The following PBX1 variants were observed in gnomAD, a reference collection of about 807,000 sequenced individuals.
PBX1 encodes the protein PBX homeobox 1.
In PBX1, 6 loss-of-function variants were observed where a neutral mutation model predicts 53.4. The ratio of observed to expected loss-of-function variants is 0.11; its 90% CI spans 0.06 to 0.22. The LOEUF is 0.22. Among genes scored for constraint, PBX1 ranks in the 10% least tolerant of loss-of-function variants. PBX1 has a pLI of 1.00. For synonymous variants in PBX1, 204 were observed against 212.3 expected (o/e 0.96, Z 0.34); for missense variants, 251 against 551.4 (o/e 0.46, Z 5.46).
chr1:164,646,493 C>CAAAG (rs1231231442), intron 2 of PBX1, among the ~76,000 whole-genome samples: 1 of 152,078 alleles, frequency 6.6e-6, no homozygotes, highest in Non-Finnish European at 1.5e-5. Flanking sequence ...ACCTGGCTGC[C>CAAAG]AAAGACCTGT....
At chr1:164,640,535 G>A (rs982179593) in intron 2 of PBX1, among the ~76,000 whole-genome samples, 3 of 138,136 alleles carry the variant, frequency 2.2e-5, no homozygotes, top group African/African-American at 7.9e-5. Flanking sequence ...GTGGTTCCTC[G>A]TTTTTTGGTG....
downstream of PBX1, among the ~76,000 whole-genome samples, chr1:164,855,403 A>G (rs1443440649): frequency 6.6e-6 from 1 of 152,196 alleles, no homozygotes; most frequent in African/African-American, 2.4e-5. Context: ...GGCCTCTTAT[A>G]TTGAAATGAG....
intron 2 of PBX1, among the ~76,000 whole-genome samples, chr1:164,764,803 C>G (rs1397292263): frequency 6.6e-6 from 1 of 152,034 alleles, no homozygotes; most frequent in Non-Finnish European, 1.5e-5. Context: ...TTTGCACAAC[C>G]CTATAGGAAA....
intron 2 of PBX1, among the ~76,000 whole-genome samples, chr1:164,713,088 G>A (rs372087706): frequency 6.6e-6 from 1 of 152,184 alleles, no homozygotes; most frequent in African/African-American, 2.4e-5. Context: ...TGAGGCTCAA[G>A]GAGGATGTCA....
At chr1:164,626,184 A>C (rs907264996) in intron 2 of PBX1, 64 of 807,858 alleles carry the variant, frequency 7.9e-5, no homozygotes, top group Non-Finnish European at 8.8e-5. Context: ...TTAAGGATTC[A>C]TGACATGGGC....
At chr1:164,668,801 G>A (rs1660959594) in intron 2 of PBX1, among the ~76,000 whole-genome samples, 1 of 152,214 alleles carries the variant, frequency 6.6e-6, no homozygotes, top group Non-Finnish European at 1.5e-5. Context: ...TTTAATTAAT[G>A]ATATGTAAAT....
chr1:164,566,376 C>G (rs767737234), intron 2 of PBX1, among the ~76,000 whole-genome samples: 16 of 152,246 alleles, frequency 1.1e-4, no homozygotes, highest in Non-Finnish European at 4.4e-5. Flanking sequence ...GCAAAATGCT[C>G]GGGTGGCAAT....
intron 8 of PBX1, among the ~76,000 whole-genome samples, chr1:164,843,612 GT>G (rs1229271543): frequency 6.7e-6 from 1 of 150,226 alleles, no homozygotes; most frequent in Non-Finnish European, 1.5e-5. Flanking sequence ...TAGCTAGAAG[GT>G]TTTATATATT....
At chr1:164,648,316 C>T (rs1659589081) in intron 2 of PBX1, among the ~76,000 whole-genome samples, 1 of 152,172 alleles carries the variant, frequency 6.6e-6, no homozygotes, top group African/African-American at 2.4e-5. Context: ...CTAGGTTATT[C>T]TTATAGTAAG....
chr1:164,812,790 A>T (rs1448660203), intron 6 of PBX1: 2 of 152,216 alleles, frequency 1.3e-5, no homozygotes, highest in Admixed American at 1.3e-4. Context: ...TTAAGAGTTT[A>T]GGTCAAAATA....
rs555569696 is a variant in PBX1 at position 164,758,572 on chromosome 1, C to T, written c.266-33922C>T. ...CTCAGGTGGAAGCTGCCTGCCCTCACTGCCTTCTTACCCTGTCTCCGTCAC... is the reference window on the plus strand; with the variant it reads ...CTCAGGTGGAAGCTGCCTGCCCTCATTGCCTTCTTACCCTGTCTCCGTCAC... On this transcript the variant is annotated intron_variant, in intron 2 of 8. Transcript: ENST00000420696. Among the ~76,000 whole-genome samples the T allele has an allele frequency of 1.3e-4, 20 of 152,296 alleles. No individual in the cohort carries two copies. In the East Asian group the frequency reaches 3.3e-3, roughly 25 times the overall value.
downstream of PBX1, among the ~76,000 whole-genome samples, chr1:164,854,973 G>T (rs1671947535): frequency 7.0e-6 from 1 of 143,260 alleles, no homozygotes; most frequent in Non-Finnish European, 1.5e-5. Context: ...TTTTGAGACG[G>T]GGTCTTGCTG....
At chr1:164,710,295 T>A (rs773319821) in intron 2 of PBX1, among the ~76,000 whole-genome samples, 4 of 152,228 alleles carry the variant, frequency 2.6e-5, no homozygotes, top group Non-Finnish European at 5.9e-5. Context: ...TTTCAGTTTT[T>A]TTCTTTCTTA....
intron 2 of PBX1, among the ~76,000 whole-genome samples, chr1:164,674,011 T>A (rs1311351441): frequency 6.6e-6 from 1 of 152,182 alleles, no homozygotes; most frequent in Non-Finnish European, 1.5e-5. Context: ...GAAATGACTA[T>A]GAGCTGAAAA....
intron 2 of PBX1, among the ~76,000 whole-genome samples, chr1:164,566,923 TA>T (rs1467512633): frequency 5.3e-5 from 8 of 152,160 alleles, no homozygotes; most frequent in African/African-American, 1.9e-4. Context: ...TGGAGGAGGT[TA>T]AAAAAATTTA....
chr1:164,591,431 T>A (rs991390621), intron 2 of PBX1, among the ~76,000 whole-genome samples: 1 of 152,232 alleles, frequency 6.6e-6, no homozygotes, highest in South Asian at 2.1e-4. Context: ...CTAAGTTGAA[T>A]GAAAACTTAC....
chr1:164,687,498 A>G (rs1369039854), intron 2 of PBX1, among the ~76,000 whole-genome samples: 1 of 138,546 alleles, frequency 7.2e-6, no homozygotes, highest in African/African-American at 2.7e-5. Flanking sequence ...TTGGGGGTCG[A>G]GGCTGTAGCA....
chr1:164,623,345 G>A (rs1657818104), intron 2 of PBX1, among the ~76,000 whole-genome samples: 1 of 152,206 alleles, frequency 6.6e-6, no homozygotes, highest in East Asian at 1.9e-4. Flanking sequence ...TGCTGGAGAG[G>A]GCGTGGTGTG....
At chr1:164,594,919 C>G (rs1655655407) in intron 2 of PBX1, among the ~76,000 whole-genome samples, 1 of 152,172 alleles carries the variant, frequency 6.6e-6, no homozygotes. Flanking sequence ...CTGTGATTAA[C>G]TAATAAGTGG....
Sources: allele counts gnomAD v4.1 joint callset (sites outside exome capture counted in the v4.1 genomes callset), GRCh38; gene constraint gnomAD v4.1.1; transcripts MANE v1.5; gene names NCBI Gene and HGNC (gene_info 2026-07-23, HGNC 2026-07-21).